USP39: variants seen among roughly 807,000 people sequenced by gnomAD.
USP39 encodes the protein ubiquitin specific peptidase 39, also known as ubiquitin carboxyl-terminal hydrolase 39.
A neutral mutation model predicts 66.4 loss-of-function variants in USP39; 38 were observed. That is an observed-to-expected ratio of 0.57 (90% CI 0.44 to 0.75). USP39 has a LOEUF of 0.75. Among genes scored for constraint, USP39 ranks in the 30% least tolerant of loss-of-function variants. The pLI is 0.00. For synonymous variants in USP39, 303 were observed against 274.6 expected (o/e 1.10, Z -1.02); for missense variants, 608 against 714.4 (o/e 0.85, Z 1.70).
rs1031550940 is a variant in USP39 at position 85,637,588 on chromosome 2, G to A, written c.1095+152G>A. ...CTAGTGGCAGCTCTGCCTGGTCCCT[G>A]TCATACTAGTGCACTTTTTCAGTTT... is the stretch of plus-strand genomic sequence containing the variant. On this transcript the variant is annotated intron_variant, in intron 8 of 12. Coordinates refer to ENST00000323701, the MANE Select transcript of USP39 (RefSeq NM_006590.4). 4.0e-6 allele frequency: 3 copies of A among 754,184 alleles called. No homozygotes were observed. In the African/African-American group the frequency reaches 5.3e-5, roughly 13 times the overall value. 46.7% of individuals were successfully genotyped at this position (754,184 alleles called of 1,614,324 possible).
chr2:85,641,178 A>AT, intron 10 of USP39, 60 bp downstream of exon 10: 1 of 1,596,814 alleles, frequency 6.3e-7, no homozygotes, highest in Non-Finnish European at 8.5e-7. Flanking sequence ...CTTCTCTTGT[A>AT]TTTTTACCAG....
intron 8 of USP39, among the ~76,000 whole-genome samples, chr2:85,638,426 C>G (rs1675960461): frequency 6.6e-6 from 1 of 152,064 alleles, no homozygotes; most frequent in African/African-American, 2.4e-5. Context: ...CTCAACCTCC[C>G]TTGCTGAAGT....
At chr2:85,631,487 A>G (rs1391730249) in intron 6 of USP39, among the ~76,000 whole-genome samples, 1 of 151,902 alleles carries the variant, frequency 6.6e-6, no homozygotes, top group Non-Finnish European at 1.5e-5. Flanking sequence ...GCTGCAGTGA[A>G]TCTTGAGAGT....
At chr2:85,627,769 A>G (rs1310721978) in intron 5 of USP39, among the ~76,000 whole-genome samples, 1 of 151,852 alleles carries the variant, frequency 6.6e-6, no homozygotes, top group Non-Finnish European at 1.5e-5. Context: ...TGAAAAGTGC[A>G]GGCATTACAG....
At chr2:85,633,661 A>G (rs1420369976) in intron 6 of USP39, among the ~76,000 whole-genome samples, 1 of 151,834 alleles carries the variant, frequency 6.6e-6, no homozygotes, top group Non-Finnish European at 1.5e-5. Flanking sequence ...CAGCTACTTG[A>G]GAGGCTGAGG....
chr2:85,647,931 G>T lies in USP39; in HGVS notation c.1565G>T (p.Gly522Val), dbSNP rs1192024388. ...CCCAGCTCTTCATACTTTCTGCAGG[G>T]GACAGGCAAATGGTATGAATTACAA... ...GSYRIHVLHH[G>V]TGKWYELQDL... Residue 522 changes from glycine to valine, a missense_variant and splice_region_variant, in exon 12 of 13, where the codon GGG becomes GTG. This residue lies in a region of USP39 where 164 missense variants were observed against 250.3 expected (regional missense o/e 0.66). Transcript: ENST00000323701. 3 of 1,614,038 alleles carry T rather than the reference G, an allele frequency of 1.9e-6. No homozygotes were observed.
In USP39 at chr2:85,622,618, A is replaced by AT. The variant is rs56707752; in HGVS notation, c.434-1012dup. Among the ~76,000 whole-genome samples, 834 of 135,218 alleles carry AT rather than the reference A, an allele frequency of 6.2e-3. 3 individuals are homozygous for AT. Among genetic ancestry groups the AT allele is most frequent in the Admixed American group, 0.011 (143 of 13,426 alleles). 88.7% of individuals were successfully genotyped at this position (135,218 alleles called of 152,430 possible). On this transcript the variant is annotated intron_variant, in intron 3 of 12. Transcript: ENST00000323701. The stretch of plus-strand genomic sequence containing the variant: ...GCCTTATTATGTTACCCAGGCTACA[A>AT]TTTTTTTTTTTTTTTTGGAATATTC...
At chr2:85,614,561 G>GA, upstream of USP39, among the ~76,000 whole-genome samples, 1 of 152,278 alleles carries the variant, frequency 6.6e-6, no homozygotes, top group East Asian at 1.9e-4. Flanking sequence ...TCCATTGACA[G>GA]AATAGGGCGT....
chr2:85,610,013 G>GTT (rs552989319), upstream of USP39, among the ~76,000 whole-genome samples: 6,521 of 125,100 alleles, frequency 0.052, 814 homozygotes, highest in African/African-American at 0.2. Flanking sequence ...AGTGTAAGTG[G>GTT]TTTTTTTTTT....
intron 1 of USP39, among the ~76,000 whole-genome samples, chr2:85,604,902 C>T (rs1016764791): frequency 3.9e-5 from 6 of 152,174 alleles, no homozygotes; most frequent in African/African-American, 1.2e-4. Context: ...TAGTCCAGAT[C>T]CGGGACATGA....
At position 85,636,048 on chromosome 2, in the gene USP39, T is replaced by A. The variant is rs778984705; in HGVS notation, c.950-5T>A. Reference sequence around the variant, plus strand: ...CAACGTTTTCCACCCTTCCTTTTTTTCCAGGAGATGGCGTTGACTTTCTGT... The same window carrying A: ...CAACGTTTTCCACCCTTCCTTTTTTACCAGGAGATGGCGTTGACTTTCTGT... On this transcript the variant is annotated splice_region_variant and splice_polypyrimidine_tract_variant and intron_variant, in intron 6 of 12. Transcript: ENST00000323701. The A allele has an allele frequency of 1.2e-6, 2 of 1,614,032 alleles. No homozygotes were observed. The highest frequency in any genetic ancestry group is 1.3e-5 in the African/African-American group (1 of 74,918).
upstream of USP39, chr2:85,611,924 T>C (rs770537097): frequency 1.9e-6 from 3 of 1,588,798 alleles, no homozygotes; most frequent in African/African-American, 1.4e-5. Flanking sequence ...CCGTGGTTCA[T>C]GTCCAGCCGC....
At chr2:85,640,128 T>TC (rs374102402) in intron 9 of USP39, among the ~76,000 whole-genome samples, 47 of 152,106 alleles carry the variant, frequency 3.1e-4, no homozygotes, top group African/African-American at 1.1e-3. Context: ...CACCTCGACC[T>TC]CCCAAAGTGT....
intron 2 of USP39, among the ~76,000 whole-genome samples, chr2:85,620,507 G>T (rs986032429): frequency 1.3e-5 from 2 of 151,856 alleles, no homozygotes; most frequent in Non-Finnish European, 2.9e-5. Flanking sequence ...AAGTTATAAG[G>T]GCTGTTCATT....
chr2:85,637,598 T>C (rs1307177888), intron 8 of USP39, among the ~76,000 whole-genome samples, 162 bp downstream of exon 8: 1 of 152,220 alleles, frequency 6.6e-6, no homozygotes, highest in Non-Finnish European at 1.5e-5. Context: ...GTCATACTAG[T>C]GCACTTTTTC....
chr2:85,609,107 C>G, upstream of USP39: 1 of 1,607,082 alleles, frequency 6.2e-7, no homozygotes, highest in Middle Eastern at 1.7e-4. Context: ...GGCCTGGCCT[C>G]TTCCAGAAAG....
chr2:85,612,756 G>A (rs1234695387), upstream of USP39, among the ~76,000 whole-genome samples: 1 of 151,978 alleles, frequency 6.6e-6, no homozygotes, highest in Admixed American at 6.5e-5. Context: ...CGCCTCCCGG[G>A]TTCAAGCGAT....
Position 85,645,574 on chromosome 2 carries a change from G to A in USP39, c.1563+491G>A, listed in dbSNP as rs529327643. ...TGGGATTACAGGCGTGAGCCACCGCGCCAACCGGGAGCTTTTTAAAATCCC... is the reference window on the plus strand; with the variant it reads ...TGGGATTACAGGCGTGAGCCACCGCACCAACCGGGAGCTTTTTAAAATCCC... On this transcript the variant is annotated intron_variant, in intron 11 of 12. Transcript: ENST00000323701. 3.9e-5 allele frequency among the ~76,000 whole-genome samples: 6 copies of A among 152,182 alleles called. No individual in the cohort carries two copies. The East Asian group carries it at 5.8e-4, about 15-fold the overall frequency.
Position 85,636,084 on chromosome 2 carries a change from G to A in USP39, c.981G>A (p.Leu327=). 1 of 1,614,084 alleles carries A rather than the reference G, an allele frequency of 6.2e-7. No homozygotes were observed. Among genetic ancestry groups the A allele is most frequent in the African/African-American group, 1.3e-5 (1 of 74,998 alleles). ...GCGTTGACTTTCTGTCTTGGTTTCT[G>A]AATGCTCTGCACTCAGCTCTGGGGG... is the stretch of plus-strand genomic sequence containing the variant. ...GDGVDFLSWF[L]NALHSALGGT... The change falls in exon 7 of 13, where the codon CTG becomes CTA. Residue 327 remains leucine, a synonymous_variant. Coordinates refer to ENST00000323701, the MANE Select transcript of USP39 (RefSeq NM_006590.4).
Sources: allele counts gnomAD v4.1 joint callset (sites outside exome capture counted in the v4.1 genomes callset), GRCh38; gene constraint gnomAD v4.1.1; regional missense constraint gnomAD v4.1.1; transcripts MANE v1.5; gene names NCBI Gene and HGNC (gene_info 2026-07-23, HGNC 2026-07-21).